The following PDE4B variants were observed in gnomAD, a reference collection of about 807,000 sequenced individuals.
PDE4B encodes 3',5'-cyclic-AMP phosphodiesterase 4B.
A neutral mutation model predicts 82.2 loss-of-function variants in PDE4B; 20 were observed. The observed-to-expected ratio is 0.24, with a 90% confidence interval of 0.17 to 0.35. The LOEUF (loss-of-function observed/expected upper bound fraction) is 0.35. PDE4B is among the 10% of genes least tolerant of loss of function. The pLI is 1.00. For synonymous variants in PDE4B, 320 were observed against 318.9 expected (o/e 1.00, Z -0.04); for missense variants, 655 against 907.2 (o/e 0.72, Z 3.57).
intron 3 of PDE4B, among the ~76,000 whole-genome samples, chr1:66,213,568 C>T (rs1400868397): frequency 6.6e-6 from 1 of 152,132 alleles, no homozygotes; most frequent in Non-Finnish European, 1.5e-5. Context: ...ACAGTTTCTG[C>T]ATTTTTTTAC....
chr1:66,288,592 A>G (rs1439131315), intron 7 of PDE4B, among the ~76,000 whole-genome samples: 1 of 152,170 alleles, frequency 6.6e-6, no homozygotes, highest in Non-Finnish European at 1.5e-5. Flanking sequence ...CATTTCCTAA[A>G]CTAGCGCCTG....
At chr1:65,991,158 A>G (rs1339236217) in intron 3 of PDE4B, among the ~76,000 whole-genome samples, 1 of 151,188 alleles carries the variant, frequency 6.6e-6, no homozygotes, top group African/African-American at 2.4e-5. Context: ...GCTCACTGCA[A>G]CCTCCACCTG....
chr1:66,154,137 C>G (rs1646456201), intron 3 of PDE4B, among the ~76,000 whole-genome samples: 1 of 152,178 alleles, frequency 6.6e-6, no homozygotes, highest in East Asian at 1.9e-4. Flanking sequence ...AAGAGCTCCT[C>G]CCCTTGGTCC....
chr1:65,812,152 AG>A (rs1219269753), intron 1 of PDE4B, among the ~76,000 whole-genome samples: 1 of 152,212 alleles, frequency 6.6e-6, no homozygotes, highest in Admixed American at 6.5e-5. Context: ...CCCTGACCTC[AG>A]CCCTCAGCCT....
chr1:66,353,200 A>G (rs895055140), intron 8 of PDE4B, among the ~76,000 whole-genome samples: 3 of 152,208 alleles, frequency 2.0e-5, no homozygotes, highest in Non-Finnish European at 4.4e-5. Flanking sequence ...AATAAGTAAA[A>G]TATGCTAGCT....
At chr1:66,236,861 T>C (rs1163892201) in intron 3 of PDE4B, among the ~76,000 whole-genome samples, 1 of 152,226 alleles carries the variant, frequency 6.6e-6, no homozygotes, top group Non-Finnish European at 1.5e-5. Flanking sequence ...AAACTGGTTT[T>C]AAATCCACGA....
chr1:65,971,735 T>C, intron 3 of PDE4B, among the ~76,000 whole-genome samples: 1 of 152,142 alleles, frequency 6.6e-6, no homozygotes, highest in East Asian at 1.9e-4. Context: ...ATGAGCTGTT[T>C]TTGAGAAATC....
At chr1:66,007,672 C>T (rs948724384) in intron 3 of PDE4B, among the ~76,000 whole-genome samples, 1 of 152,026 alleles carries the variant, frequency 6.6e-6, no homozygotes, top group Non-Finnish European at 1.5e-5. Flanking sequence ...GGTGTACTAG[C>T]AATAGGCTAG....
At chr1:65,856,412 T>A (rs1329057571) in intron 1 of PDE4B, among the ~76,000 whole-genome samples, 1 of 152,164 alleles carries the variant, frequency 6.6e-6, no homozygotes, top group Non-Finnish European at 1.5e-5. Context: ...AATTCGCACT[T>A]ATGAGTGAGA....
chr1:66,016,797 C>G (rs1337788206), intron 3 of PDE4B, among the ~76,000 whole-genome samples: 1 of 152,142 alleles, frequency 6.6e-6, no homozygotes, highest in African/African-American at 2.4e-5. Flanking sequence ...GCACTTATAA[C>G]CAAAAGGGCT....
At chr1:65,941,869 A>G (rs1274484840) in intron 3 of PDE4B, among the ~76,000 whole-genome samples, 2 of 151,882 alleles carry the variant, frequency 1.3e-5, no homozygotes, top group African/African-American at 4.8e-5. Context: ...GAAGTTTTGT[A>G]TTCTTTGACC....
chr1:66,064,071 A>G (rs1331948129), intron 3 of PDE4B, among the ~76,000 whole-genome samples: 1 of 152,026 alleles, frequency 6.6e-6, no homozygotes, highest in South Asian at 2.1e-4. Flanking sequence ...ATAAGTTGTG[A>G]ACAAAAACTG....
intron 1 of PDE4B, among the ~76,000 whole-genome samples, chr1:65,896,179 AAG>A (rs1200078556): frequency 6.6e-6 from 1 of 152,084 alleles, no homozygotes; most frequent in African/African-American, 2.4e-5. Flanking sequence ...TTAAAAAAGA[AAG>A]AGGTTTAATT....
At chr1:66,077,416 A>G (rs560591375) in intron 3 of PDE4B, among the ~76,000 whole-genome samples, 32 of 152,274 alleles carry the variant, frequency 2.1e-4, no homozygotes, top group Admixed American at 4.6e-4. Flanking sequence ...CATTATTGCA[A>G]TAGCACACTT....
At chr1:65,996,086 T>G (rs1397029998) in intron 3 of PDE4B, among the ~76,000 whole-genome samples, 1 of 152,160 alleles carries the variant, frequency 6.6e-6, no homozygotes, top group African/African-American at 2.4e-5. Context: ...AATGTGGATA[T>G]TCAATGTGTT....
chr1:66,213,624 G>A (rs1438386058), intron 3 of PDE4B, among the ~76,000 whole-genome samples: 1 of 152,136 alleles, frequency 6.6e-6, no homozygotes, highest in Non-Finnish European at 1.5e-5. Flanking sequence ...GCAATCACCA[G>A]CTGTATATAT....
At chr1:65,945,731 A>G (rs1022152759) in intron 3 of PDE4B, among the ~76,000 whole-genome samples, 4 of 151,984 alleles carry the variant, frequency 2.6e-5, no homozygotes, top group Admixed American at 6.6e-5. Flanking sequence ...GTGGTCAAGT[A>G]TAGAGATTTG....
chr1:66,367,845 G>T lies in PDE4B; in HGVS notation c.1534G>T (p.Asp512Tyr). Residue 512 changes from aspartate to tyrosine, a missense_variant, in exon 14 of 17, where the codon GAC becomes TAC. Asp to Tyr is a radical substitution (Grantham distance 160). Transcript: ENST00000341517. Reference protein sequence around the residue: ...QRQTLRKMVIDMVLATDMSKH... With the variant: ...QRQTLRKMVIYMVLATDMSKH... ...TCAGACACTCAGGAAGATGGTTATT[G>T]ACATGGTAAGACTTTAGCCTCTCTA... 6.2e-7 allele frequency: 1 copy of T among 1,613,370 alleles called. No homozygotes were observed. The highest frequency in any genetic ancestry group is 1.3e-5 in the African/African-American group (1 of 74,988).
At chr1:65,986,724 T>C (rs999111551) in intron 3 of PDE4B, among the ~76,000 whole-genome samples, 4 of 152,214 alleles carry the variant, frequency 2.6e-5, no homozygotes, top group Admixed American at 6.5e-5. Flanking sequence ...CTGTTCCTTA[T>C]GAAAGTTAAA....
Sources: gnomAD v4.1 joint callset for allele counts (sites outside exome capture counted in the v4.1 genomes callset) on GRCh38, gnomAD v4.1.1 for gene constraint, MANE v1.5 for transcripts, NCBI Gene and HGNC (gene_info 2026-07-23, HGNC 2026-07-21) for gene names.